PIK3AP1: variants seen among roughly 807,000 people sequenced by gnomAD.
PIK3AP1 encodes phosphoinositide-3-kinase adaptor protein 1.
A neutral mutation model predicts 88.1 loss-of-function variants in PIK3AP1; 21 were observed. That is an observed-to-expected ratio of 0.24 (90% CI 0.17 to 0.34). The LOEUF is 0.34. PIK3AP1 is among the 10% of genes least tolerant of loss of function. PIK3AP1 has a pLI of 1.00. For synonymous variants in PIK3AP1, 398 were observed against 400.0 expected (o/e 1.00, Z 0.06); for missense variants, 828 against 1,035.7 (o/e 0.80, Z 2.75).
chr10:96,689,671 A>G (rs1017042739), intron 2 of PIK3AP1, among the ~76,000 whole-genome samples: 2 of 150,734 alleles, frequency 1.3e-5, no homozygotes, highest in African/African-American at 2.4e-5. Context: ...TGTCCACCCC[A>G]TTGAAAGCCC....
At chr10:96,607,098 G>A (rs1849015398) in intron 14 of PIK3AP1, among the ~76,000 whole-genome samples, 1 of 152,202 alleles carries the variant, frequency 6.6e-6, no homozygotes, top group Non-Finnish European at 1.5e-5. Context: ...TGGTTCCCAA[G>A]AGATGACAGC....
chr10:96,640,548 C>A (rs527954482), intron 8 of PIK3AP1, among the ~76,000 whole-genome samples: 1 of 152,196 alleles, frequency 6.6e-6, no homozygotes, highest in Non-Finnish European at 1.5e-5. Flanking sequence ...AAAACACCCA[C>A]GGACATTTGC....
At chr10:96,603,958 G>C (rs1222270173) in intron 15 of PIK3AP1, 21 bp downstream of exon 15, 12 of 1,572,070 alleles carry the variant, frequency 7.6e-6, no homozygotes, top group Non-Finnish European at 1.0e-5. Flanking sequence ...AGGATAGGTG[G>C]GGTGGAGTCC....
At chr10:96,707,723 A>C (rs781244842) in intron 2 of PIK3AP1, among the ~76,000 whole-genome samples, 4 of 152,222 alleles carry the variant, frequency 2.6e-5, no homozygotes, top group Admixed American at 6.5e-5. Flanking sequence ...GCAATGACAT[A>C]AGATCATCCA....
At chr10:96,640,445 C>A (rs1843369121) in intron 8 of PIK3AP1, among the ~76,000 whole-genome samples, 1 of 152,096 alleles carries the variant, frequency 6.6e-6, no homozygotes, top group African/African-American at 2.4e-5. Flanking sequence ...AAATTAATTA[C>A]CTAGGTCCAG....
intron 16 of PIK3AP1, among the ~76,000 whole-genome samples, chr10:96,599,305 G>C (rs1477469086): frequency 1.3e-5 from 2 of 152,194 alleles, no homozygotes; most frequent in Non-Finnish European, 2.9e-5. Flanking sequence ...AGAATGGTAG[G>C]TGGGCTGATG....
chr10:96,691,457 T>C (rs1042708588), intron 2 of PIK3AP1, among the ~76,000 whole-genome samples: 2 of 148,138 alleles, frequency 1.4e-5, no homozygotes, highest in African/African-American at 5.1e-5. Flanking sequence ...CCCTTTGCCA[T>C]GCTATGATTG....
At chr10:96,680,015 C>G (rs1209727811) in intron 2 of PIK3AP1, among the ~76,000 whole-genome samples, 1 of 152,148 alleles carries the variant, frequency 6.6e-6, no homozygotes, top group Admixed American at 6.5e-5. Flanking sequence ...CATGTCCACC[C>G]TTCCTTCCTC....
Position 96,645,461 on chromosome 10 carries a change from T to G in PIK3AP1, c.1375+12A>C. ...CAGAAAGGTGGAAGCAGAACTGGGT[T>G]GTGCTACTTACAGAGGTCTTCAGTG... is the stretch of plus-strand genomic sequence containing the variant. On this transcript the variant is annotated intron_variant, in intron 8 of 16. Coordinates refer to ENST00000339364, the MANE Select transcript of PIK3AP1 (RefSeq NM_152309.3). 2 of 1,610,972 alleles carry G rather than the reference T, an allele frequency of 1.2e-6. No individual in the cohort carries two copies. Among genetic ancestry groups the G allele is most frequent in the Non-Finnish European group, 1.7e-6 (2 of 1,178,996 alleles).
intron 7 of PIK3AP1, 85 bp from the exon 8 acceptor site, chr10:96,645,747 G>A: frequency 2.6e-6 from 3 of 1,156,358 alleles, no homozygotes; most frequent in Middle Eastern, 3.0e-4. Context: ...CTTGTGGCCA[G>A]CAAAGTAAAG....
chr10:96,634,492 G>A (rs566510351), intron 8 of PIK3AP1, among the ~76,000 whole-genome samples: 13 of 152,286 alleles, frequency 8.5e-5, no homozygotes, highest in Non-Finnish European at 1.9e-4. Flanking sequence ...ACCTGGGTCC[G>A]AGCCCTGGCT....
At chr10:96,682,235 C>A (rs1312869422) in intron 2 of PIK3AP1, among the ~76,000 whole-genome samples, 5 of 152,106 alleles carry the variant, frequency 3.3e-5, no homozygotes, top group Non-Finnish European at 1.5e-5. Flanking sequence ...ACAATTCTAA[C>A]GATTGAAGCT....
At chr10:96,686,491 C>G (rs1844070167) in intron 2 of PIK3AP1, among the ~76,000 whole-genome samples, 1 of 152,178 alleles carries the variant, frequency 6.6e-6, no homozygotes, top group South Asian at 2.1e-4. Flanking sequence ...AGAGAAACCA[C>G]AGGTAACAGA....
At chr10:96,693,717 G>C (rs1330188864) in intron 2 of PIK3AP1, among the ~76,000 whole-genome samples, 1 of 152,194 alleles carries the variant, frequency 6.6e-6, no homozygotes. Context: ...TTGTGCAACT[G>C]TTGGACTCTG....
At chr10:96,639,680 T>A (rs1369950450) in intron 8 of PIK3AP1, among the ~76,000 whole-genome samples, 1 of 152,144 alleles carries the variant, frequency 6.6e-6, no homozygotes, top group African/African-American at 2.4e-5. Flanking sequence ...AGGTAAGAAC[T>A]CATGCTGTGC....
chr10:96,628,875 C>CAGACACACATATATACATAT (rs1564961141), intron 8 of PIK3AP1, among the ~76,000 whole-genome samples: 2 of 90,910 alleles, frequency 2.2e-5, no homozygotes, highest in African/African-American at 8.7e-5. Flanking sequence ...CATATATACA[C>CAGACACACATATATACATAT]ATATATATAT....
Position 96,709,968 on chromosome 10 carries a change from C to T in PIK3AP1, c.29G>A (p.Cys10Tyr). Residue 10 changes from cysteine to tyrosine, a missense_variant, in exon 2 of 17, where the codon TGC becomes TAC. Physicochemically the swap from Cys to Tyr is radical, Grantham distance 194. Coordinates refer to ENST00000339364, the MANE Select transcript of PIK3AP1 (RefSeq NM_152309.3). MAASGVPRGCDILIVYSPDA... is the reference protein window; with the variant it reads MAASGVPRGYDILIVYSPDA... ...CGGGCTGTAGACGATGAGGATGTCG[C>T]ATCCTCTGGGCACCCCTGGACAAGA... 2 of 1,589,736 alleles carry T rather than the reference C, an allele frequency of 1.3e-6. No individual in the cohort carries two copies. The highest frequency in any genetic ancestry group is 8.6e-7 in the Non-Finnish European group (1 of 1,162,744).
chr10:96,654,700 G>A (rs1843591002), intron 3 of PIK3AP1, among the ~76,000 whole-genome samples: 1 of 152,224 alleles, frequency 6.6e-6, no homozygotes, highest in South Asian at 2.1e-4. Context: ...AGGCAGTCAA[G>A]ATAGGAGAAG....
intron 2 of PIK3AP1, among the ~76,000 whole-genome samples, chr10:96,678,677 G>T (rs1225017689): frequency 2.0e-5 from 3 of 152,134 alleles, no homozygotes; most frequent in Non-Finnish European, 4.4e-5. Flanking sequence ...TTCCTTCCTT[G>T]GGATCTTGCA....
Sources: allele counts gnomAD v4.1 joint callset (sites outside exome capture counted in the v4.1 genomes callset), GRCh38; gene constraint gnomAD v4.1.1; transcripts MANE v1.5; gene names NCBI Gene and HGNC (gene_info 2026-07-23, HGNC 2026-07-21).